The following ABCA13 variants were observed in gnomAD, a reference collection of about 807,000 sequenced individuals.
The protein encoded by ABCA13 is ATP binding cassette subfamily A member 13.
Under a neutral mutation model 478.7 loss-of-function variants are expected in ABCA13, and 476 were observed. The observed-to-expected ratio is 0.99, with a 90% CI of 0.92 to 1.07. ABCA13 has a LOEUF of 1.07. ABCA13 is among the 50% of genes least tolerant of loss of function. The pLI is 0.00. For synonymous variants in ABCA13, 2,252 were observed against 2,158.9 expected, an observed-to-expected ratio of 1.04 and a Z score of -1.20; for missense variants, 6,060 against 5,910.6, an observed-to-expected ratio of 1.03 and a Z score of -0.83.
At chr7:48,285,028 A>G (rs1797536517) in intron 19 of ABCA13, among the ~76,000 whole-genome samples, 1 of 152,140 alleles carries the variant, frequency 6.6e-6, no homozygotes, top group Non-Finnish European at 1.5e-5. Context: ...CCTTCTCCTG[A>G]TCTAGTGCTT....
chr7:48,389,362 G>A (rs1375036924), intron 37 of ABCA13, 142 bp downstream of exon 37: 30 of 965,068 alleles, frequency 3.1e-5, no homozygotes, highest in Non-Finnish European at 4.2e-5. Flanking sequence ...CGGGTGAAAG[G>A]CAGAGCCCCT....
At position 48,615,222 on chromosome 7, in the gene ABCA13, G is replaced by A. The variant is rs1792446961; in HGVS notation, c.14745-63G>A. On this transcript the variant is annotated intron_variant, in intron 58 of 61. Transcript: ENST00000435803. ...TCTTGTCTCCTTTTTGTTTTGAAAA[G>A]TTTGACTCAACCCTCCCCTCTTCAG... 4.4e-6 allele frequency: 5 copies of A among 1,129,566 alleles called. No individual in the cohort carries two copies. In the South Asian group the frequency reaches 1.4e-4, roughly 31 times the overall value. The allele number at this position is 1,129,566 out of a possible 1,614,324, so 70.0% of individuals were successfully genotyped here.
chr7:48,299,832 G>A (rs1799901355), intron 23 of ABCA13, among the ~76,000 whole-genome samples: 2 of 152,102 alleles, frequency 1.3e-5, no homozygotes. Context: ...GTGGTAATGT[G>A]GTATTGTCTT....
At chr7:48,559,839 G>GTA (rs1291055332) in intron 55 of ABCA13, among the ~76,000 whole-genome samples, 1 of 152,172 alleles carries the variant, frequency 6.6e-6, no homozygotes, top group African/African-American at 2.4e-5. Flanking sequence ...CGGAGCAAAG[G>GTA]CCTAGATTGG....
chr7:48,595,760 C>G (rs1918594), intron 58 of ABCA13, among the ~76,000 whole-genome samples: 21,031 of 152,122 alleles, frequency 0.14, 1,774 homozygotes, highest in Admixed American at 0.23. Flanking sequence ...GCCAGCCCTT[C>G]GTTTGGGAGG....
chr7:48,209,623 C>A (rs1458637363), intron 3 of ABCA13, among the ~76,000 whole-genome samples: 2 of 151,978 alleles, frequency 1.3e-5, no homozygotes, highest in Non-Finnish European at 1.5e-5. Context: ...TTATTTATTT[C>A]TTCTAAGTTT....
At position 48,605,005 on chromosome 7, in the gene ABCA13, C is replaced by A. The variant is rs908605426; in HGVS notation, c.14744+10192C>A. Reference sequence around the variant, plus strand: ...AATGGCCTTCTTTGTCTCTTTTGATCTTTGTTGGTTTAAAGTCTGTTTTAT... The same window carrying A: ...AATGGCCTTCTTTGTCTCTTTTGATATTTGTTGGTTTAAAGTCTGTTTTAT... On this transcript the variant is annotated intron_variant, in intron 58 of 61. Coordinates refer to ENST00000435803, the MANE Select transcript of ABCA13 (RefSeq NM_152701.5). Among the ~76,000 whole-genome samples, 7 of 152,212 alleles carry A rather than the reference C, an allele frequency of 4.6e-5. No individual in the cohort carries two copies. In the East Asian group the frequency reaches 1.2e-3, roughly 25 times the overall value.
At chr7:48,484,678 C>G (rs1308567385) in intron 47 of ABCA13, among the ~76,000 whole-genome samples, 2 of 152,064 alleles carry the variant, frequency 1.3e-5, no homozygotes, top group Non-Finnish European at 2.9e-5. Context: ...TTAGATGAGT[C>G]TTCTGTACTG....
At chr7:48,454,585 GC>G (rs1211227626) in intron 42 of ABCA13, among the ~76,000 whole-genome samples, 4 of 152,046 alleles carry the variant, frequency 2.6e-5, no homozygotes, top group African/African-American at 7.2e-5. Context: ...GCCGGGAGGA[GC>G]GGGGGCGGGG....
chr7:48,544,488 C>T (rs980024945), intron 55 of ABCA13, among the ~76,000 whole-genome samples: 1 of 151,380 alleles, frequency 6.6e-6, no homozygotes, highest in African/African-American at 2.4e-5. Flanking sequence ...CACAAATGAC[C>T]AACGATTTAT....
At chr7:48,623,157 G>T (rs1793319296) in intron 59 of ABCA13, among the ~76,000 whole-genome samples, 1 of 152,164 alleles carries the variant, frequency 6.6e-6, no homozygotes, top group South Asian at 2.1e-4. Flanking sequence ...GTCTGCACCA[G>T]CAACTCTCTC....
chr7:48,637,381 CAA>C lies in ABCA13; in HGVS notation c.14838-5883_14838-5882del, dbSNP rs1156643955. 4.7e-3 allele frequency among the ~76,000 whole-genome samples: 95 copies of C among 20,246 alleles called. 1 individual carries two copies. The highest frequency in any genetic ancestry group is 8.8e-3 in the African/African-American group (43 of 4,912). 13.3% of individuals were successfully genotyped at this position (20,246 alleles called of 152,430 possible). ...TGTTTTCTTTATTATGTTCATAAAG[CAA>C]AAAAAAAAAAAAAAAAAAAAAAACA... is the stretch of plus-strand genomic sequence containing the variant. On this transcript the variant is annotated intron_variant, in intron 59 of 61. Coordinates refer to ENST00000435803, the MANE Select transcript of ABCA13 (RefSeq NM_152701.5).
intron 55 of ABCA13, among the ~76,000 whole-genome samples, chr7:48,557,194 A>C (rs1785923013): frequency 6.6e-6 from 1 of 152,006 alleles, no homozygotes; most frequent in Admixed American, 6.6e-5. Context: ...GATTGGGTTC[A>C]TCACTTAGTC....
chr7:48,402,746 C>G (rs756464668), intron 38 of ABCA13, among the ~76,000 whole-genome samples: 4 of 152,234 alleles, frequency 2.6e-5, no homozygotes, highest in Admixed American at 2.0e-4. Context: ...GCTCAACTGT[C>G]TGGAACATGT....
At chr7:48,470,985 G>T (rs1248329165) in intron 44 of ABCA13, among the ~76,000 whole-genome samples, 5 of 152,200 alleles carry the variant, frequency 3.3e-5, no homozygotes, top group Admixed American at 3.3e-4. Context: ...TAAGGAAATA[G>T]AAATGATAGG....
At chr7:48,373,536 T>G (rs1812991033) in intron 33 of ABCA13, among the ~76,000 whole-genome samples, 1 of 152,230 alleles carries the variant, frequency 6.6e-6, no homozygotes, top group Non-Finnish European at 1.5e-5. Flanking sequence ...TCTATTGGTA[T>G]GTGTTCATTG....
chr7:48,342,877 T>C (rs972400013), intron 29 of ABCA13, among the ~76,000 whole-genome samples: 2 of 152,184 alleles, frequency 1.3e-5, no homozygotes, highest in African/African-American at 2.4e-5. Context: ...AATGAAGTTC[T>C]TCATTTCAGT....
chr7:48,391,155 A>G (rs1313014484), intron 37 of ABCA13, among the ~76,000 whole-genome samples: 1 of 152,166 alleles, frequency 6.6e-6, no homozygotes, highest in Non-Finnish European at 1.5e-5. Context: ...CACACAGACT[A>G]TCCCGGGAGC....
chr7:48,584,290 T>C (rs73694686), intron 56 of ABCA13, among the ~76,000 whole-genome samples: 5,221 of 152,280 alleles, frequency 0.034, 315 homozygotes, highest in African/African-American at 0.12. Context: ...TATCACAATT[T>C]GTCATTTTTG....
Sources: allele counts gnomAD v4.1 joint callset (sites outside exome capture counted in the v4.1 genomes callset), GRCh38; gene constraint gnomAD v4.1.1; transcripts MANE v1.5; gene names NCBI Gene and HGNC (gene_info 2026-07-23, HGNC 2026-07-21).